CCDC171: variants seen among roughly 807,000 people sequenced by gnomAD.
CCDC171 encodes coiled-coil domain containing 171, also known as coiled-coil domain-containing protein 171.
In CCDC171, 177 loss-of-function variants were observed where a neutral mutation model predicts 168.2. The ratio of observed to expected loss-of-function variants is 1.05; its 90% CI spans 0.93 to 1.19. The LOEUF is 1.19. CCDC171 is among the 50% of genes most tolerant of loss of function. The probability of loss-of-function intolerance (pLI) is 0.00; values close to 1 mark genes in which losing one functional copy is unlikely to be tolerated. For missense variants in CCDC171, 1,991 were observed against 1,539.0 expected (o/e 1.29, Z -4.91); for synonymous variants, 687 against 540.8 (o/e 1.27, Z -3.75).
intron 6 of CCDC171, among the ~76,000 whole-genome samples, chr9:15,617,242 C>T (rs1219293446): frequency 1.4e-4 from 21 of 152,218 alleles, no homozygotes; most frequent in Admixed American, 1.1e-3. Context: ...AGAGGTGTTG[C>T]GATCATTCGG....
chr9:16,058,850 T>G (rs1833884575), intron 1 of CCDC171, among the ~76,000 whole-genome samples: 1 of 152,246 alleles, frequency 6.6e-6, no homozygotes, highest in East Asian at 1.9e-4. Context: ...GGATTGACCC[T>G]GGGAAAACAA....
At chr9:15,576,373 A>G (rs2040664634) in intron 3 of CCDC171, among the ~76,000 whole-genome samples, 1 of 152,000 alleles carries the variant, frequency 6.6e-6, no homozygotes, top group Middle Eastern at 3.4e-3. Flanking sequence ...TTATTTGTAG[A>G]CATGGGGTCT....
In CCDC171 at chr9:15,821,242, C is replaced by G. The variant is rs1313689447; in HGVS notation, c.3268-25460C>G. On this transcript the variant is annotated intron_variant, in intron 21 of 25. Coordinates refer to ENST00000380701, the MANE Select transcript of CCDC171 (RefSeq NM_173550.4). ...CACACCCAGTATCATACTGAATGGA[C>G]AAAAACTGGAAGCATTCCCTTTGAA... Among the ~76,000 whole-genome samples the G allele has an allele frequency of 4.3e-5, 5 of 117,338 alleles. 1 individual carries two copies. The highest frequency in any genetic ancestry group is 9.6e-5 in the Non-Finnish European group (5 of 52,284). 77.0% of individuals were successfully genotyped at this position (117,338 alleles called of 152,430 possible).
chr9:15,978,496 A>G (rs571844692), downstream of CCDC171, among the ~76,000 whole-genome samples: 8 of 152,230 alleles, frequency 5.3e-5, 1 homozygote, highest in South Asian at 1.5e-3. Flanking sequence ...GCTCTCTTTA[A>G]TCTGTGGGGA....
the CCDC171 span, among the ~76,000 whole-genome samples, chr9:16,080,323 G>A: frequency 6.6e-6 from 1 of 152,008 alleles, no homozygotes; most frequent in Non-Finnish European, 1.5e-5. Context: ...AGTATGTTAG[G>A]GCTTTTGTGT....
intron 3 of CCDC171, among the ~76,000 whole-genome samples, chr9:15,991,036 G>A (rs909245724): frequency 2.2e-4 from 33 of 152,186 alleles, no homozygotes; most frequent in African/African-American, 6.5e-4. Flanking sequence ...AAGTTAACAA[G>A]GATATCCAGG....
rs1248406336 is a variant in CCDC171, at chr9:15,821,688, T to A, written c.3268-25014T>A. On this transcript the variant is annotated intron_variant, in intron 21 of 25. Transcript: ENST00000380701. ...ACTGCTCAAGGAAATAAAAGAGGAT[T>A]CAAACAAATGGAAGAACATTCCATG... is the stretch of plus-strand genomic sequence containing the variant. Among the ~76,000 whole-genome samples, 3 of 116,240 alleles carry A rather than the reference T, an allele frequency of 2.6e-5. 1 individual carries two copies. The highest frequency in any genetic ancestry group is 5.8e-5 in the Non-Finnish European group (3 of 51,810). 76.3% of individuals were successfully genotyped at this position (116,240 alleles called of 152,430 possible).
chr9:15,956,637 C>G (rs369386118), intron 25 of CCDC171, among the ~76,000 whole-genome samples: 97 of 152,058 alleles, frequency 6.4e-4, no homozygotes, highest in African/African-American at 2.3e-3. Context: ...AAAAAATGTG[C>G]AAAATACTTA....
intron 11 of CCDC171, among the ~76,000 whole-genome samples, chr9:15,696,058 G>A (rs2051188564): frequency 1.3e-5 from 2 of 152,030 alleles, no homozygotes. Context: ...GTTTTCTTTT[G>A]CCCTGCTTTC....
rs75752920 is a variant in CCDC171, at chr9:15,765,470, G to A, written c.2672-12130G>A. 6.0e-3 allele frequency among the ~76,000 whole-genome samples: 919 copies of A among 152,254 alleles called. 15 individuals carry two copies. Among genetic ancestry groups the A allele is most frequent in the African/African-American group, 0.021 (865 of 41,540 alleles). ...TGCACAGAAGTGGGGAGGAAGGTTG[G>A]CACAAACAGTTCAGGCATTGTAACA... On this transcript the variant is annotated intron_variant, in intron 18 of 25. Transcript: ENST00000380701.
chr9:15,768,985 A>G (rs1043679910), intron 18 of CCDC171, among the ~76,000 whole-genome samples: 1 of 152,156 alleles, frequency 6.6e-6, no homozygotes, highest in African/African-American at 2.4e-5. Context: ...TCACCTCCCA[A>G]TGCTGTCCAT....
At chr9:15,666,042 A>G (rs2048709877) in intron 8 of CCDC171, 121 bp from the exon 9 acceptor site, 1 of 821,058 alleles carries the variant, frequency 1.2e-6, no homozygotes, top group Non-Finnish European at 1.9e-6. Flanking sequence ...TTTAAGCCAA[A>G]GCAGAAAGAA....
At chr9:16,092,701 C>T in the CCDC171 span, among the ~76,000 whole-genome samples, 4 of 152,212 alleles carry the variant, frequency 2.6e-5, no homozygotes, top group African/African-American at 4.8e-5. Flanking sequence ...ATCTGAGGAG[C>T]TCTGTTCACT....
chr9:16,013,345 T>C (rs762624588), intron 3 of CCDC171, among the ~76,000 whole-genome samples: 2 of 152,216 alleles, frequency 1.3e-5, no homozygotes, highest in African/African-American at 2.4e-5. Context: ...ATCTCTCTTA[T>C]AGTTAGCTGT....
intron 9 of CCDC171, among the ~76,000 whole-genome samples, chr9:15,669,494 T>C (rs1386580826): frequency 6.6e-6 from 1 of 152,188 alleles, no homozygotes; most frequent in Non-Finnish European, 1.5e-5. Flanking sequence ...TCCACTTTTT[T>C]AGTTATTTTG....
rs767501595 is a variant in CCDC171 at position 15,777,806 on chromosome 9, C to T, written c.2878C>T (p.Arg960Cys). The T allele has an allele frequency of 1.7e-5, 28 of 1,609,082 alleles. No homozygotes were observed. The highest frequency in any genetic ancestry group is 1.7e-4 in the Middle Eastern group (1 of 6,042). The change falls in exon 19 of 26, where the codon CGT (arginine) becomes TGT (cysteine). Residue 960 changes from arginine to cysteine, a missense_variant. By Grantham distance (180) the Arg-to-Cys change is radical (BLOSUM62 -3). Coordinates refer to ENST00000380701, the MANE Select transcript of CCDC171 (RefSeq NM_173550.4). ...CACACTGGCCCTGAAATATGGTTTG[C>T]GTGGCCATGTGCCCATTACGGTATG... ...VNTLALKYGL[R>C]GHVPITKSTA...
chr9:15,700,408 C>T (rs2051627370), intron 11 of CCDC171, among the ~76,000 whole-genome samples: 1 of 152,202 alleles, frequency 6.6e-6, no homozygotes, highest in Admixed American at 6.5e-5. Context: ...GCCCCGGTTC[C>T]CACTCACGCC....
At chr9:16,087,796 A>G in the CCDC171 span, among the ~76,000 whole-genome samples, 1 of 152,018 alleles carries the variant, frequency 6.6e-6, no homozygotes, top group Non-Finnish European at 1.5e-5. Flanking sequence ...TTATGATGCT[A>G]GCTGGTTATT....
intron 21 of CCDC171, among the ~76,000 whole-genome samples, chr9:15,843,667 A>G (rs1355367167): frequency 1.3e-5 from 2 of 151,984 alleles, no homozygotes; most frequent in African/African-American, 4.8e-5. Context: ...TTTCTACCTA[A>G]TTGGCTTGTC....
Sources: gnomAD v4.1 joint callset for allele counts (sites outside exome capture counted in the v4.1 genomes callset) on GRCh38, gnomAD v4.1.1 for gene constraint, MANE v1.5 for transcripts, NCBI Gene and HGNC (gene_info 2026-07-23, HGNC 2026-07-21) for gene names.